The following ANGEL2 variants were observed in gnomAD, a reference collection of about 807,000 sequenced individuals.
ANGEL2 encodes the protein RNA 2',3'-cyclic phosphatase ANGEL2.
In ANGEL2, 41 loss-of-function variants were observed where a neutral mutation model predicts 66.0. The observed-to-expected ratio is 0.62, with a 90% CI of 0.48 to 0.81. The LOEUF is 0.81. Ranked by LOEUF, ANGEL2 falls within the 30% of genes least tolerant of loss-of-function variation. ANGEL2 has a pLI of 0.00. For synonymous variants in ANGEL2, 208 were observed against 226.5 expected, an observed-to-expected ratio of 0.92 and a Z score of 0.73; for missense variants, 561 against 641.6, an observed-to-expected ratio of 0.87 and a Z score of 1.36.
intron 3 of ANGEL2, among the ~76,000 whole-genome samples, chr1:213,007,929 T>C (rs933828835): frequency 6.6e-6 from 1 of 151,616 alleles, no homozygotes; most frequent in Non-Finnish European, 1.5e-5. Flanking sequence ...AATGGTGCAA[T>C]CTCAGCTCAC....
At chr1:213,015,438 C>T in intron 1 of ANGEL2, 175 bp downstream of exon 1, 5 of 1,427,294 alleles carry the variant, frequency 3.5e-6, no homozygotes, top group Non-Finnish European at 4.6e-6. Context: ...GGCGGGTTTA[C>T]CTATCCCGCT....
chr1:213,002,967 T>C (rs1389124267), intron 5 of ANGEL2, among the ~76,000 whole-genome samples: 1 of 151,946 alleles, frequency 6.6e-6, no homozygotes, highest in East Asian at 1.9e-4. Flanking sequence ...CCTTCATCAA[T>C]GATCTTAGCT....
At chr1:213,015,095 G>C (rs2076606067) in intron 1 of ANGEL2, 1 of 980,682 alleles carries the variant, frequency 1.0e-6, no homozygotes, top group Non-Finnish European at 1.2e-6. Context: ...ACAAGAACTT[G>C]GCCATAACAG....
At chr1:213,005,006 C>T in intron 5 of ANGEL2, 27 bp downstream of exon 5, 1 of 1,499,884 alleles carries the variant, frequency 6.7e-7, no homozygotes. Flanking sequence ...ATGTCCACTC[C>T]CTAATAACAA....
rs1346870396 is a variant in ANGEL2 at position 213,005,384 on chromosome 1, G to A, written c.783C>T (p.Ser261=). 2 of 1,614,014 alleles carry A rather than the reference G, an allele frequency of 1.2e-6. No homozygotes were observed. The highest frequency in any genetic ancestry group is 1.3e-5 in the African/African-American group (1 of 74,930). ...GGTTCACTGACAAGAGTGAAAATTT[G>A]GAATGTTTGAAGCAAATAGCACAGC... ...PDGCAICFKH[S]KFSLLSVNPV... Residue 261 remains serine (S), a synonymous_variant, in exon 5 of 9, where the codon TCC becomes TCT. Coordinates refer to ENST00000366962, the MANE Select transcript of ANGEL2 (RefSeq NM_144567.5).
At chr1:213,009,048 CAAAA>C (rs1435677684) in intron 2 of ANGEL2, among the ~76,000 whole-genome samples, 1 of 152,178 alleles carries the variant, frequency 6.6e-6, no homozygotes, top group African/African-American at 2.4e-5. Context: ...AACAAAATAA[CAAAA>C]GAAATCTTTT....
At chr1:212,999,899 A>C (rs2076132747) in intron 7 of ANGEL2, among the ~76,000 whole-genome samples, 1 of 152,216 alleles carries the variant, frequency 6.6e-6, no homozygotes, top group African/African-American at 2.4e-5. Flanking sequence ...ACAACTAAAG[A>C]TCCTTTTGAG....
Position 212,992,801 on chromosome 1 carries a change from T to C in ANGEL2, c.*2240A>G, listed in dbSNP as rs773278997. ...TTGTTTGTTAACAATGACCTATATG[T>C]AATAATGTTATTTGTTAATAAATTC... On this transcript the variant is annotated 3_prime_UTR_variant, in exon 9 of 9. Transcript: ENST00000366962. The C allele has an allele frequency of 1.3e-5, 2 of 152,224 alleles. No homozygotes were observed. The highest frequency in any genetic ancestry group is 2.4e-5 in the African/African-American group (1 of 41,454). 9.4% of individuals were successfully genotyped at this position (152,224 alleles called of 1,614,324 possible).
intron 8 of ANGEL2, among the ~76,000 whole-genome samples, chr1:212,996,636 A>ATATATATATAT (rs1251072343): frequency 1.4e-4 from 6 of 41,956 alleles, no homozygotes; most frequent in East Asian, 1.3e-3. Flanking sequence ...AAAAAAAAAA[A>ATATATATATAT]AAAAATATAT....
At chr1:213,013,914 G>C (rs2076571810) in intron 1 of ANGEL2, among the ~76,000 whole-genome samples, 1 of 152,146 alleles carries the variant, frequency 6.6e-6, no homozygotes, top group Non-Finnish European at 1.5e-5. Flanking sequence ...CCAAACACTT[G>C]TATAGTTAGG....
chr1:213,011,083 T>C (rs2076495953), intron 2 of ANGEL2: 2 of 1,025,808 alleles, frequency 1.9e-6, no homozygotes, highest in Non-Finnish European at 2.6e-6. Flanking sequence ...TTTAATAAAC[T>C]TACAGAAATG....
chr1:213,000,217 C>T, intron 7 of ANGEL2, 109 bp downstream of exon 7: 4 of 1,028,448 alleles, frequency 3.9e-6, no homozygotes, highest in Non-Finnish European at 5.9e-6. Context: ...CACCCTTCAC[C>T]AGCACGGAAT....
chr1:213,011,140 TAA>T (rs749014639), intron 2 of ANGEL2: 6 of 1,253,364 alleles, frequency 4.8e-6, no homozygotes, highest in Non-Finnish European at 5.2e-6. Context: ...AAACCACTGA[TAA>T]GAGTGGATAG....
intron 2 of ANGEL2, among the ~76,000 whole-genome samples, chr1:213,009,155 C>T (rs902265840): frequency 2.0e-5 from 3 of 152,152 alleles, no homozygotes; most frequent in South Asian, 2.1e-4. Context: ...AACAACCAGG[C>T]GTGTGTTCAT....
At chr1:213,008,170 T>C in intron 3 of ANGEL2, 40 bp downstream of exon 3, 1 of 1,593,430 alleles carries the variant, frequency 6.3e-7, no homozygotes, top group Non-Finnish European at 8.6e-7. Flanking sequence ...GGCCCCAACT[T>C]TTTCTTATGT....
In ANGEL2 at chr1:212,995,196, C is replaced by T; in HGVS notation, c.1484-4G>A. The T allele has an allele frequency of 6.3e-7, 1 of 1,596,874 alleles. No individual in the cohort carries two copies. The highest frequency in any genetic ancestry group is 8.5e-7 in the Non-Finnish European group (1 of 1,172,224). ...CCAACCAAAGCAACTTCAGCTCCTA[C>T]ATTAAAGAAGCACACACATATTTAG... On this transcript the variant is annotated splice_polypyrimidine_tract_variant and splice_region_variant and intron_variant, in intron 8 of 8. Transcript: ENST00000366962.
chr1:213,014,581 T>C (rs1218840093), intron 1 of ANGEL2, among the ~76,000 whole-genome samples: 2 of 152,258 alleles, frequency 1.3e-5, no homozygotes, highest in East Asian at 3.8e-4. Context: ...TGTATTGAAA[T>C]ATAATACTTG....
intron 7 of ANGEL2, 44 bp downstream of exon 7, chr1:213,000,282 C>G: frequency 1.3e-6 from 2 of 1,534,072 alleles, no homozygotes; most frequent in East Asian, 4.5e-5. Context: ...GTTTTTTATT[C>G]AACTAAAGTT....
At chr1:212,997,663 G>C (rs2076064429) in intron 7 of ANGEL2, among the ~76,000 whole-genome samples, 1 of 152,122 alleles carries the variant, frequency 6.6e-6, no homozygotes, top group Admixed American at 6.5e-5. Flanking sequence ...GGGGTCTTCA[G>C]GAACACTATT....
Sources: gnomAD v4.1 joint callset for allele counts (sites outside exome capture counted in the v4.1 genomes callset) on GRCh38, gnomAD v4.1.1 for gene constraint, MANE v1.5 for transcripts, NCBI Gene and HGNC (gene_info 2026-07-23, HGNC 2026-07-21) for gene names.